Variants in DENND2B observed in about 807,000 individuals in gnomAD.
DENND2B encodes the protein DENN domain-containing protein 2B.
Under a neutral mutation model 116.0 loss-of-function variants are expected in DENND2B, and 32 were observed. That is an observed-to-expected ratio of 0.28 (90% CI 0.21 to 0.37). DENND2B has a LOEUF of 0.37. DENND2B is among the 10% of genes least tolerant of loss of function. The pLI is 1.00. For missense variants in DENND2B, 1,276 were observed against 1,477.7 expected, an observed-to-expected ratio of 0.86 and a Z score of 2.24; for synonymous variants, 588 against 583.9, an observed-to-expected ratio of 1.01 and a Z score of -0.10.
intron 1 of DENND2B, among the ~76,000 whole-genome samples, chr11:8,769,526 C>T (rs1256243612): frequency 1.3e-5 from 2 of 152,136 alleles, no homozygotes. Context: ...TCCCAAAGTG[C>T]TGGGATTACA....
chr11:8,714,861 C>G, intron 6 of DENND2B, 155 bp from the exon 7 acceptor site: 1 of 616,322 alleles, frequency 1.6e-6, no homozygotes, highest in Non-Finnish European at 2.8e-6. Flanking sequence ...GAACCGACCT[C>G]AAGTGGTGAC....
chr11:8,869,594 G>C (rs1189741847), intron 2 of DENND2B, among the ~76,000 whole-genome samples: 2 of 151,988 alleles, frequency 1.3e-5, no homozygotes, highest in Non-Finnish European at 2.9e-5. Flanking sequence ...CCCAGGAGGC[G>C]GGGGTTGCAG....
Position 8,892,974 on chromosome 11 carries a change from T to A in DENND2B, c.-255-11865A>T, listed in dbSNP as rs1191485137. Among the ~76,000 whole-genome samples, 3 of 152,154 alleles carry A rather than the reference T, an allele frequency of 2.0e-5. No individual in the cohort carries two copies. In the East Asian group the frequency reaches 5.8e-4, roughly 29 times the overall value. On this transcript the variant is annotated intron_variant, in intron 1 of 22. Coordinates refer to the DENND2B transcript ENST00000534127. ...GAGAATTTTAGACCAATATCCCTAG[T>A]GAACATCAATGCAAAAATCCTCAGT...
intron 1 of DENND2B, among the ~76,000 whole-genome samples, chr11:8,755,941 G>A (rs998266923): frequency 1.3e-5 from 2 of 152,146 alleles, no homozygotes; most frequent in Non-Finnish European, 2.9e-5. Context: ...AAAGTGCTTG[G>A]CATATCATAT....
intron 11 of DENND2B, chr11:8,708,107 C>A: frequency 7.0e-7 from 1 of 1,418,692 alleles, no homozygotes; most frequent in Non-Finnish European, 9.2e-7. Context: ...CAGGCTCCAC[C>A]CTTCCTCCCA....
At chr11:8,853,548 C>T (rs1394680626) in intron 3 of DENND2B, among the ~76,000 whole-genome samples, 1 of 152,004 alleles carries the variant, frequency 6.6e-6, no homozygotes, top group African/African-American at 2.4e-5. Flanking sequence ...AATTACCTGG[C>T]CTAAAGTATT....
intron 2 of DENND2B, among the ~76,000 whole-genome samples, chr11:8,862,002 G>A (rs1392261899): frequency 6.6e-6 from 1 of 151,362 alleles, no homozygotes; most frequent in African/African-American, 2.4e-5. Flanking sequence ...CATATCGAGT[G>A]GTATAATGGA....
chr11:8,792,502 A>T (rs1388455702), intron 1 of DENND2B, among the ~76,000 whole-genome samples: 1 of 152,192 alleles, frequency 6.6e-6, no homozygotes, highest in Non-Finnish European at 1.5e-5. Context: ...AAAAATTTTT[A>T]TTGGGGGAAA....
At chr11:8,900,531 G>A (rs1468011061) in intron 1 of DENND2B, among the ~76,000 whole-genome samples, 2 of 151,802 alleles carry the variant, frequency 1.3e-5, no homozygotes, top group African/African-American at 4.8e-5. Context: ...CCTAGGAGGT[G>A]GAGGCAACAG....
At chr11:8,799,360 A>G (rs892880007) in intron 1 of DENND2B, among the ~76,000 whole-genome samples, 6 of 152,190 alleles carry the variant, frequency 3.9e-5, no homozygotes, top group Non-Finnish European at 8.8e-5. Context: ...GGATAAGTCA[A>G]TCAGGAGGTT....
intron 2 of DENND2B, among the ~76,000 whole-genome samples, chr11:8,744,261 G>A (rs912973967): frequency 2.6e-5 from 4 of 151,582 alleles, no homozygotes; most frequent in Non-Finnish European, 5.9e-5. Flanking sequence ...AGGCTCCCAA[G>A]TAGCTGGGAT....
intron 1 of DENND2B, among the ~76,000 whole-genome samples, chr11:8,765,683 C>A (rs569261899): frequency 8.8e-6 from 1 of 113,814 alleles, no homozygotes; most frequent in Admixed American, 9.3e-5. Context: ...CTTTCAATTT[C>A]TTGTATCATT....
chr11:8,872,493 AAAAAAAAAAG>A (rs1361033095), upstream of DENND2B, among the ~76,000 whole-genome samples: 2 of 151,442 alleles, frequency 1.3e-5, no homozygotes, highest in African/African-American at 2.4e-5. Flanking sequence ...TCTAAAAAAA[AAAAAAAAAAG>A]AAAAAAAAAG....
At chr11:8,766,784 G>A (rs1305614869) in intron 1 of DENND2B, 2 of 836,374 alleles carry the variant, frequency 2.4e-6, no homozygotes, top group African/African-American at 1.7e-5. Context: ...GTCATTTTAG[G>A]TGGGGGTGCT....
intron 3 of DENND2B, chr11:8,839,409 A>AGC (rs1179018297): frequency 2.6e-4 from 40 of 152,314 alleles, no homozygotes; most frequent in African/African-American, 9.1e-4. Context: ...ACTTTCCAAT[A>AGC]ACCTTTAAGA....
chr11:8,803,135 A>C (rs1229989271), intron 1 of DENND2B, among the ~76,000 whole-genome samples: 1 of 152,220 alleles, frequency 6.6e-6, no homozygotes, highest in Non-Finnish European at 1.5e-5. Flanking sequence ...CTGTACTCCC[A>C]GCACTTTGGA....
chr11:8,750,153 C>A (rs1428220323), intron 2 of DENND2B, among the ~76,000 whole-genome samples: 2 of 152,180 alleles, frequency 1.3e-5, no homozygotes, highest in African/African-American at 4.8e-5. Context: ...TGGTTAGAAC[C>A]TGGATTTGAA....
intron 11 of DENND2B, among the ~76,000 whole-genome samples, chr11:8,709,262 C>G (rs1379454423): frequency 6.6e-6 from 1 of 152,160 alleles, no homozygotes; most frequent in African/African-American, 2.4e-5. Context: ...CCCTCTCCCC[C>G]GCCTCCCCTA....
chr11:8,780,540 G>A (rs530913407), intron 1 of DENND2B, among the ~76,000 whole-genome samples: 30 of 152,146 alleles, frequency 2.0e-4, no homozygotes, highest in Non-Finnish European at 3.5e-4. Flanking sequence ...AGCAGAAGAC[G>A]TATGAAGGAC....
Sources: gnomAD v4.1 joint callset for allele counts (sites outside exome capture counted in the v4.1 genomes callset) on GRCh38, gnomAD v4.1.1 for gene constraint, MANE v1.5 for transcripts, NCBI Gene and HGNC (gene_info 2026-07-23, HGNC 2026-07-21) for gene names.